The following PAGE2B variants were observed in gnomAD, a reference collection of about 807,000 sequenced individuals.
The protein encoded by PAGE2B is PAGE family member 2B, also known as putative G antigen family E member 3.
In PAGE2B, 5 loss-of-function variants were observed where a neutral mutation model predicts 7.6. That is an observed-to-expected ratio of 0.66 (90% CI 0.34 to 1.38). The LOEUF (loss-of-function observed/expected upper bound fraction) is 1.38. Ranked by LOEUF, PAGE2B falls within the 40% of genes most tolerant of loss-of-function variation. PAGE2B has a pLI of 0.04. For synonymous variants in PAGE2B, 29 were observed against 26.7 expected, an observed-to-expected ratio of 1.09 and a Z score of -0.27; for missense variants, 70 against 78.4, an observed-to-expected ratio of 0.89 and a Z score of 0.41.
At position 55,076,046 on chromosome X, in the gene PAGE2B, G is replaced by A. The variant is rs941750106; in HGVS notation, c.5G>A (p.Ser2Asn). Residue 2 changes from serine to asparagine, a missense_variant, in exon 2 of 5, where the codon AGT becomes AAT. Coordinates refer to ENST00000374971, the MANE Select transcript of PAGE2B (RefSeq NM_001015038.3). Reference protein sequence around the residue: MSEHVRTRSQSS... With the variant: MNEHVRTRSQSS... Reference sequence around the variant, plus strand: ...ATTCTATTTTCAGTGGGAAATATGAGTGAGCATGTGAGAACAAGATCCCAA... The same window carrying A: ...ATTCTATTTTCAGTGGGAAATATGAATGAGCATGTGAGAACAAGATCCCAA... 1 of 1,205,709 alleles carries A rather than the reference G, an allele frequency of 8.3e-7. No individual in the cohort carries two copies. Among genetic ancestry groups the A allele is most frequent in the East Asian group, 3.0e-5 (1 of 33,730 alleles).
chrX:55,048,919 T>C, the PAGE2B span, among the ~76,000 whole-genome samples: 1 of 111,916 alleles, frequency 8.9e-6, no homozygotes. Context: ...TTTTGTCCAT[T>C]CAGTATGATA....
chrX:55,040,552 T>A, the PAGE2B span, among the ~76,000 whole-genome samples: 2 of 111,597 alleles, frequency 1.8e-5, no homozygotes, highest in Admixed American at 1.9e-4. Context: ...AATAAGCCAG[T>A]CACAAAGGAT....
chrX:55,063,824 C>T, the PAGE2B span, among the ~76,000 whole-genome samples: 12 of 111,032 alleles, frequency 1.1e-4, no homozygotes, highest in South Asian at 3.7e-4. Flanking sequence ...ATATGGTTTT[C>T]GGCCTTCATT....
chrX:55,050,055 T>C, the PAGE2B span, among the ~76,000 whole-genome samples: 8 of 112,479 alleles, frequency 7.1e-5, no homozygotes, highest in Non-Finnish European at 1.3e-4. Context: ...CTGCCTTCAT[T>C]TCGTTATGTA....
upstream of PAGE2B, among the ~76,000 whole-genome samples, chrX:55,072,737 C>T (rs1181039972): frequency 8.9e-6 from 1 of 112,612 alleles, no homozygotes; most frequent in Non-Finnish European, 1.9e-5. Context: ...CCTGACTGGG[C>T]CTCTGCCTTT....
chrX:55,053,465 G>GTTT, the PAGE2B span, among the ~76,000 whole-genome samples: 1 of 111,724 alleles, frequency 9.0e-6, no homozygotes. Context: ...AAACCACCAT[G>GTTT]GCACCCATTT....
At chrX:55,060,534 G>C in the PAGE2B span, among the ~76,000 whole-genome samples, 620 of 111,676 alleles carry the variant, frequency 5.6e-3, 2 homozygotes, top group Non-Finnish European at 9.1e-3. Context: ...CCCGTTATCA[G>C]ATATGTAGTT....
the PAGE2B span, among the ~76,000 whole-genome samples, chrX:55,045,924 A>C: frequency 9.0e-6 from 1 of 111,234 alleles, no homozygotes; most frequent in Non-Finnish European, 1.9e-5. Context: ...TGGGGATACA[A>C]AGAAGTCAAA....
upstream of PAGE2B, among the ~76,000 whole-genome samples, chrX:55,070,363 T>A (rs1392962650): frequency 8.9e-6 from 1 of 112,397 alleles, no homozygotes; most frequent in Non-Finnish European, 1.9e-5. Flanking sequence ...AGTTTCTTAA[T>A]CCTGAGTTCT....
the PAGE2B span, among the ~76,000 whole-genome samples, chrX:55,050,659 T>C: frequency 1.5e-3 from 167 of 111,405 alleles, no homozygotes; most frequent in African/African-American, 5.2e-3. Flanking sequence ...TCCATTTGCT[T>C]GGTAGATCTT....
chrX:55,057,783 A>T, the PAGE2B span, among the ~76,000 whole-genome samples: 1 of 111,948 alleles, frequency 8.9e-6, no homozygotes, highest in Non-Finnish European at 1.9e-5. Context: ...TGGGTCCAGT[A>T]TCAAAGAGTT....
the PAGE2B span, among the ~76,000 whole-genome samples, chrX:55,058,394 T>G: frequency 1.8e-5 from 2 of 110,948 alleles, no homozygotes; most frequent in Non-Finnish European, 3.8e-5. Flanking sequence ...GCACCAATAT[T>G]TATTGAGCAC....
chrX:55,034,231 G>T, the PAGE2B span, among the ~76,000 whole-genome samples: 1 of 111,700 alleles, frequency 9.0e-6, no homozygotes, highest in Non-Finnish European at 1.9e-5. Flanking sequence ...CAGACGTGCT[G>T]TGGTTTCTTC....
chrX:55,051,098 A>T, the PAGE2B span, among the ~76,000 whole-genome samples: 4 of 111,255 alleles, frequency 3.6e-5, no homozygotes, highest in South Asian at 3.8e-4. Flanking sequence ...GAAATTCTGG[A>T]TTGAAAATTC....
chrX:55,064,156 G>C, the PAGE2B span, among the ~76,000 whole-genome samples: 413 of 111,220 alleles, frequency 3.7e-3, 1 homozygote, highest in Non-Finnish European at 5.8e-3. Flanking sequence ...TTAACAGCTT[G>C]GTAGAATTCA....
At chrX:55,037,736 G>A in the PAGE2B span, among the ~76,000 whole-genome samples, 1 of 110,241 alleles carries the variant, frequency 9.1e-6, no homozygotes, top group Admixed American at 9.7e-5. Flanking sequence ...AAAAGGATGA[G>A]TTCATTTCTT....
the PAGE2B span, among the ~76,000 whole-genome samples, chrX:55,063,139 A>G: frequency 1.8e-5 from 2 of 111,519 alleles, no homozygotes; most frequent in East Asian, 5.6e-4. Flanking sequence ...TATGAAGAAT[A>G]TCATTGGTAT....
At chrX:55,034,152 C>G in the PAGE2B span, among the ~76,000 whole-genome samples, 1 of 111,896 alleles carries the variant, frequency 8.9e-6, no homozygotes, top group South Asian at 3.8e-4. Flanking sequence ...GCATCTCTCT[C>G]CTTCATTAGC....
At chrX:55,072,198 T>A (rs149794651), upstream of PAGE2B, among the ~76,000 whole-genome samples, 1,040 of 112,393 alleles carry the variant, frequency 9.3e-3, 12 homozygotes, top group African/African-American at 0.032. Flanking sequence ...TTTTTCCTCA[T>A]CTTCATGGAT....
Sources: gnomAD v4.1 joint callset for allele counts (sites outside exome capture counted in the v4.1 genomes callset) on GRCh38, gnomAD v4.1.1 for gene constraint, MANE v1.5 for transcripts, NCBI Gene and HGNC (gene_info 2026-07-23, HGNC 2026-07-21) for gene names.